CHODL: variants seen among roughly 807,000 people sequenced by gnomAD.
The protein encoded by CHODL is chondrolectin.
CHODL carries 29 observed loss-of-function variants against 34.5 expected under a neutral mutation model. The ratio of observed to expected loss-of-function variants is 0.84; its 90% confidence interval spans 0.63 to 1.15. The LOEUF (loss-of-function observed/expected upper bound fraction) is 1.15. Ranked by LOEUF, CHODL falls within the 50% of genes most tolerant of loss-of-function variation. The pLI, the probability that CHODL is intolerant of heterozygous loss-of-function variation, is 0.00. For missense variants in CHODL, 332 were observed against 332.5 expected, an observed-to-expected ratio of 1.00 and a Z score of 0.01; for synonymous variants, 125 against 116.1, an observed-to-expected ratio of 1.08 and a Z score of -0.49.
chr21:18,037,746 T>C (rs2064327875), intron 2 of CHODL, among the ~76,000 whole-genome samples: 1 of 151,792 alleles, frequency 6.6e-6, no homozygotes, highest in Non-Finnish European at 1.5e-5. Context: ...ACTTGTAGAA[T>C]GTTTGATGGT....
intron 2 of CHODL, among the ~76,000 whole-genome samples, chr21:18,111,850 G>T (rs2065355244): frequency 6.6e-6 from 1 of 152,098 alleles, no homozygotes; most frequent in African/African-American, 2.4e-5. Context: ...TGCAACCAAG[G>T]GATGTGATCT....
chr21:18,101,300 T>TA (rs1448009153), intron 2 of CHODL, among the ~76,000 whole-genome samples: 4 of 152,194 alleles, frequency 2.6e-5, no homozygotes, highest in South Asian at 2.1e-4. Context: ...GTAAGTCCAA[T>TA]AAACGTCTTT....
At chr21:17,945,059 A>T (rs1258809183) in intron 1 of CHODL, among the ~76,000 whole-genome samples, 1 of 151,522 alleles carries the variant, frequency 6.6e-6, no homozygotes, top group Admixed American at 6.6e-5. Flanking sequence ...AAATACAAAA[A>T]AAATTAGCCG....
At chr21:18,218,667 A>G (rs1410713087) in intron 2 of CHODL, among the ~76,000 whole-genome samples, 1 of 152,136 alleles carries the variant, frequency 6.6e-6, no homozygotes, top group Non-Finnish European at 1.5e-5. Context: ...TTTCGTTGCC[A>G]GGCTGCAAAA....
At chr21:17,978,733 GAAA>G (rs34399713) in intron 1 of CHODL, among the ~76,000 whole-genome samples, 6 of 139,654 alleles carry the variant, frequency 4.3e-5, no homozygotes, top group Admixed American at 2.1e-4. Context: ...GAAAAAAAAA[GAAA>G]AAAAAAAAAA....
chr21:18,136,277 A>T (rs2146602522), intron 2 of CHODL, among the ~76,000 whole-genome samples: 1 of 152,278 alleles, frequency 6.6e-6, no homozygotes, highest in African/African-American at 2.4e-5. Context: ...AAAATACTTC[A>T]GTTTGGGATT....
At chr21:18,215,214 G>A (rs1426244706) in intron 2 of CHODL, among the ~76,000 whole-genome samples, 1 of 149,386 alleles carries the variant, frequency 6.7e-6, no homozygotes, top group Non-Finnish European at 1.5e-5. Flanking sequence ...AAAAAAAAAG[G>A]TTTTATCAGA....
At chr21:18,068,975 G>A (rs772957044) in intron 2 of CHODL, among the ~76,000 whole-genome samples, 1 of 152,090 alleles carries the variant, frequency 6.6e-6, no homozygotes, top group Non-Finnish European at 1.5e-5. Flanking sequence ...CCAAGCTCCA[G>A]TTCCCAGAAG....
intron 2 of CHODL, among the ~76,000 whole-genome samples, chr21:18,193,744 T>A (rs1029604212): frequency 1.1e-4 from 16 of 148,972 alleles, no homozygotes; most frequent in South Asian, 8.5e-4. Context: ...AATAAATAAA[T>A]AAAAAATAAA....
At chr21:17,932,234 G>T (rs1408769169) in intron 1 of CHODL, among the ~76,000 whole-genome samples, 4 of 152,120 alleles carry the variant, frequency 2.6e-5, no homozygotes, top group Non-Finnish European at 5.9e-5. Context: ...TCAGAAAAGT[G>T]CAAACTAAAA....
intron 1 of CHODL, among the ~76,000 whole-genome samples, chr21:17,981,895 A>G (rs2063716729): frequency 6.6e-6 from 1 of 152,236 alleles, no homozygotes; most frequent in Non-Finnish European, 1.5e-5. Flanking sequence ...GACAAATGAA[A>G]ATGTATGAAA....
At chr21:17,969,304 T>C (rs2063596169) in intron 1 of CHODL, among the ~76,000 whole-genome samples, 1 of 152,204 alleles carries the variant, frequency 6.6e-6, no homozygotes, top group Non-Finnish European at 1.5e-5. Flanking sequence ...ATTGATATCT[T>C]GAATTTTGCA....
chr21:18,050,595 T>C (rs2064501652), intron 2 of CHODL, among the ~76,000 whole-genome samples: 1 of 151,926 alleles, frequency 6.6e-6, no homozygotes, highest in Non-Finnish European at 1.5e-5. Flanking sequence ...AAGTTAGATG[T>C]GCAGAGCAAG....
At chr21:18,010,648 T>C (rs1284058527) in intron 1 of CHODL, among the ~76,000 whole-genome samples, 1 of 152,184 alleles carries the variant, frequency 6.6e-6, no homozygotes, top group Non-Finnish European at 1.5e-5. Context: ...TTTTATAAAA[T>C]AATGCAACTT....
chr21:17,922,133 AAAG>A (rs1229858860), intron 1 of CHODL, among the ~76,000 whole-genome samples: 4 of 152,286 alleles, frequency 2.6e-5, no homozygotes, highest in Admixed American at 1.3e-4. Context: ...AGAGTGAAGA[AAAG>A]AAGAAGTGAG....
At chr21:18,221,958 C>T (rs2073888172) in intron 2 of CHODL, among the ~76,000 whole-genome samples, 1 of 152,198 alleles carries the variant, frequency 6.6e-6, no homozygotes, top group South Asian at 2.1e-4. Flanking sequence ...CCCATAAGCA[C>T]TGGTAGTATT....
At chr21:18,071,746 T>C (rs2146500219) in intron 2 of CHODL, among the ~76,000 whole-genome samples, 1 of 151,384 alleles carries the variant, frequency 6.6e-6, no homozygotes, top group East Asian at 1.9e-4. Context: ...CTATTTCTAT[T>C]ACATTTCTAT....
intron 2 of CHODL, among the ~76,000 whole-genome samples, chr21:18,141,614 G>A (rs1361853600): frequency 2.6e-5 from 4 of 151,912 alleles, no homozygotes; most frequent in Non-Finnish European, 5.9e-5. Context: ...CTTCCCTAGC[G>A]GCATTTGGAA....
intron 2 of CHODL, among the ~76,000 whole-genome samples, chr21:18,099,134 A>C (rs188757531): frequency 7.8e-4 from 119 of 152,164 alleles, no homozygotes; most frequent in Admixed American, 3.5e-3. Context: ...GGATAAAAAA[A>C]GATGGTTAGA....
Sources: gnomAD v4.1 joint callset for allele counts (sites outside exome capture counted in the v4.1 genomes callset) on GRCh38, gnomAD v4.1.1 for gene constraint, MANE v1.5 for transcripts, NCBI Gene and HGNC (gene_info 2026-07-23, HGNC 2026-07-21) for gene names.